CPQ: variants seen among roughly 807,000 people sequenced by gnomAD.
CPQ encodes the protein carboxypeptidase Q.
In CPQ, 37 loss-of-function variants were observed where a neutral mutation model predicts 45.7. The observed-to-expected ratio is 0.81, with a 90% CI of 0.62 to 1.07. CPQ has a LOEUF of 1.07. CPQ is among the 50% of genes least tolerant of loss of function. The pLI, the probability that CPQ is intolerant of heterozygous loss-of-function variation, is 0.00. For missense variants in CPQ, 537 were observed against 572.9 expected (o/e 0.94, Z 0.64); for synonymous variants, 186 against 205.8 (o/e 0.90, Z 0.82).
Position 96,828,849 on chromosome 8 carries a change from A to G in CPQ, c.434-6124A>G, listed in dbSNP as rs143088355. Reference sequence around the variant, plus strand: ...AGTATAAATGTTCCCTGTGATAATTACTATAAGAAATCAAGATACTCCAGT... The same window carrying G: ...AGTATAAATGTTCCCTGTGATAATTGCTATAAGAAATCAAGATACTCCAGT... On this transcript the variant is annotated intron_variant, in intron 2 of 7. Coordinates refer to ENST00000220763, the MANE Select transcript of CPQ (RefSeq NM_016134.4). 3.0e-3 allele frequency among the ~76,000 whole-genome samples: 454 copies of G among 152,248 alleles called. 1 individual carries two copies. Among genetic ancestry groups the G allele is most frequent in the African/African-American group, 0.01 (427 of 41,572 alleles).
chr8:96,770,884 G>A lies in CPQ; in HGVS notation c.-34-13980G>A, dbSNP rs576895302. Among the ~76,000 whole-genome samples, 281 of 148,910 alleles carry A rather than the reference G, an allele frequency of 1.9e-3. 2 individuals carry two copies. The highest frequency in any genetic ancestry group is 6.6e-3 in the African/African-American group (271 of 41,022). ...CAGCCACCAGGCATACAATTAGGGA[G>A]GAGAAGTGGATGTACATTCTATACC... On this transcript the variant is annotated intron_variant, in intron 1 of 7. Coordinates refer to ENST00000220763, the MANE Select transcript of CPQ (RefSeq NM_016134.4).
rs890956150 is a variant in CPQ at position 96,667,082 on chromosome 8, A to G, written c.-35+21680A>G. ...GCCAGAGTTATCTCACTGGGGAAAC[A>G]TCATCCCCACTTCTCCCACAAAAAA... On this transcript the variant is annotated intron_variant, in intron 1 of 7. Transcript: ENST00000220763. 2.9e-5 allele frequency among the ~76,000 whole-genome samples: 4 copies of G among 136,080 alleles called. No homozygotes were observed. The Admixed American group carries it at 3.1e-4, about 10-fold the overall frequency. The allele number at this position is 136,080 out of a possible 152,430, so 89.3% of individuals were successfully genotyped here. A position where few individuals can be genotyped will look rare whatever the true frequency, so the allele number is the denominator to read the frequency against.
chr8:96,660,112 A>G (rs1001816458), intron 1 of CPQ, among the ~76,000 whole-genome samples: 3 of 152,220 alleles, frequency 2.0e-5, no homozygotes, highest in Non-Finnish European at 4.4e-5. Flanking sequence ...TGCTACCACA[A>G]CAAAATCCTG....
intron 5 of CPQ, among the ~76,000 whole-genome samples, chr8:97,028,965 A>C (rs2130468502): frequency 6.6e-6 from 1 of 152,324 alleles, no homozygotes; most frequent in South Asian, 2.1e-4. Context: ...TTCAGACTAA[A>C]AAGTAATCTA....
chr8:96,767,864 G>A (rs1051066840), intron 1 of CPQ, among the ~76,000 whole-genome samples: 8 of 151,694 alleles, frequency 5.3e-5, no homozygotes, highest in Non-Finnish European at 8.8e-5. Context: ...GGCTGGTCTC[G>A]AACCCCTAAC....
chr8:96,964,609 C>T (rs1393599100), intron 4 of CPQ, among the ~76,000 whole-genome samples: 1 of 150,948 alleles, frequency 6.6e-6, no homozygotes, highest in Non-Finnish European at 1.5e-5. Flanking sequence ...ACTAGCTTTC[C>T]TAGTTTAAAA....
At chr8:97,018,083 T>C (rs112571832) in intron 5 of CPQ, among the ~76,000 whole-genome samples, 1,622 of 152,222 alleles carry the variant, frequency 0.011, 25 homozygotes, top group African/African-American at 0.037. Context: ...ATGACCCCAG[T>C]ACCAGCCCAG....
chr8:96,668,084 G>C (rs1459428005), intron 1 of CPQ, among the ~76,000 whole-genome samples: 1 of 152,192 alleles, frequency 6.6e-6, no homozygotes, highest in East Asian at 1.9e-4. Context: ...TATAGTTTGT[G>C]AGCTTCCCTT....
At chr8:97,057,385 C>T (rs549084020) in intron 6 of CPQ, among the ~76,000 whole-genome samples, 2 of 152,186 alleles carry the variant, frequency 1.3e-5, no homozygotes, top group East Asian at 1.9e-4. Flanking sequence ...TTTTGTCCAG[C>T]GTTCCTCATA....
chr8:97,025,218 AAAAAGTCC>A (rs1245275716), intron 5 of CPQ, among the ~76,000 whole-genome samples: 3 of 152,144 alleles, frequency 2.0e-5, no homozygotes, highest in African/African-American at 7.2e-5. Flanking sequence ...AATAATGAAA[AAAAAGTCC>A]AAAGAGATCT....
chr8:96,667,600 C>T (rs1226250940), intron 1 of CPQ, among the ~76,000 whole-genome samples: 7 of 152,038 alleles, frequency 4.6e-5, no homozygotes, highest in African/African-American at 9.7e-5. Flanking sequence ...CTGCCCGCCT[C>T]GGCTTCCCAA....
At chr8:96,675,560 T>G (rs1313513845) in intron 1 of CPQ, among the ~76,000 whole-genome samples, 1 of 152,070 alleles carries the variant, frequency 6.6e-6, no homozygotes, top group Non-Finnish European at 1.5e-5. Context: ...TTTGTGTGAG[T>G]GTATCTGCAG....
At chr8:96,803,350 G>T (rs924058735) in intron 2 of CPQ, among the ~76,000 whole-genome samples, 1 of 152,230 alleles carries the variant, frequency 6.6e-6, no homozygotes, top group African/African-American at 2.4e-5. Flanking sequence ...ATAAGAGAAA[G>T]ACTGAAGACA....
rs34425501 is a variant in CPQ at position 96,908,747 on chromosome 8, G to GCACACACACACACA, written c.849+28760_849+28773dup. Among the ~76,000 whole-genome samples, 431 of 141,000 alleles carry GCACACACACACACA rather than the reference G, an allele frequency of 3.1e-3. 2 individuals carry two copies. The highest frequency in any genetic ancestry group is 7.5e-3 in the Middle Eastern group (2 of 268). 92.5% of individuals were successfully genotyped at this position (141,000 alleles called of 152,430 possible). A position where few individuals can be genotyped will look rare whatever the true frequency, so the allele number is the denominator to read the frequency against. ...TCTCTTTTCAGTTTTATACACATGC[G>GCACACACACACACA]CACACACACACACACACACACACAC... On this transcript the variant is annotated intron_variant, in intron 4 of 7. Coordinates refer to ENST00000220763, the MANE Select transcript of CPQ (RefSeq NM_016134.4).
intron 1 of CPQ, among the ~76,000 whole-genome samples, chr8:96,759,172 G>A (rs922869404): frequency 1.3e-5 from 2 of 152,138 alleles, no homozygotes; most frequent in East Asian, 3.9e-4. Context: ...TGCCCCAGGG[G>A]CTCTGCAGGA....
chr8:96,851,338 A>G (rs1328487860), intron 3 of CPQ, among the ~76,000 whole-genome samples: 1 of 152,248 alleles, frequency 6.6e-6, no homozygotes, highest in Non-Finnish European at 1.5e-5. Context: ...GTCCAGGTAG[A>G]GTATTTGGTT....
intron 2 of CPQ, among the ~76,000 whole-genome samples, chr8:96,827,055 G>T (rs925012263): frequency 3.9e-5 from 6 of 151,952 alleles, no homozygotes; most frequent in African/African-American, 1.5e-4. Flanking sequence ...TAAAGCTCCT[G>T]CTCAATTATG....
At chr8:96,851,539 G>A (rs1204026227) in intron 3 of CPQ, among the ~76,000 whole-genome samples, 1 of 152,132 alleles carries the variant, frequency 6.6e-6, no homozygotes, top group Non-Finnish European at 1.5e-5. Context: ...GGAACGCTGT[G>A]TCCTCACATG....
rs1485951774 is a variant in CPQ at position 97,143,260 on chromosome 8, A to G, written c.*77A>G. 7.3e-7 allele frequency: 1 copy of G among 1,373,214 alleles called. No homozygotes were observed. The highest frequency in any genetic ancestry group is 1.0e-6 in the Non-Finnish European group (1 of 987,376). 85.1% of individuals were successfully genotyped at this position (1,373,214 alleles called of 1,614,324 possible). On this transcript the variant is annotated 3_prime_UTR_variant, in exon 8 of 8. Transcript: ENST00000220763. ...GCAACTTTGGAAAACTCCTCTTCAC[A>G]TAACAATTTCATCCAATTCATCTTC...
Sources: allele counts gnomAD v4.1 joint callset (sites outside exome capture counted in the v4.1 genomes callset), GRCh38; gene constraint gnomAD v4.1.1; transcripts MANE v1.5; gene names NCBI Gene and HGNC (gene_info 2026-07-23, HGNC 2026-07-21).